The following MOB3B variants were observed in gnomAD, a reference collection of about 807,000 sequenced individuals.
MOB3B encodes MOB kinase activator 3B.
A neutral mutation model predicts 18.7 loss-of-function variants in MOB3B; 7 were observed. The ratio of observed to expected loss-of-function variants is 0.37; its 90% CI spans 0.21 to 0.70. The LOEUF (loss-of-function observed/expected upper bound fraction) is 0.70. Among genes scored for constraint, MOB3B ranks in the 30% least tolerant of loss-of-function variants. MOB3B has a pLI of 0.52. For synonymous variants in MOB3B, 111 were observed against 99.9 expected (o/e 1.11, Z -0.66); for missense variants, 253 against 281.3 (o/e 0.90, Z 0.72).
chr9:27,430,136 C>T (rs1822396070), intron 2 of MOB3B, among the ~76,000 whole-genome samples: 1 of 152,164 alleles, frequency 6.6e-6, no homozygotes, highest in Non-Finnish European at 1.5e-5. Context: ...TACTCCTTGA[C>T]CTGGTACTTT....
At chr9:27,373,775 A>C (rs1024441321) in intron 2 of MOB3B, among the ~76,000 whole-genome samples, 3 of 151,958 alleles carry the variant, frequency 2.0e-5, no homozygotes, top group Non-Finnish European at 4.4e-5. Context: ...TCCTTATCCC[A>C]AAAAAAACCA....
chr9:27,485,559 T>A (rs1267866312), intron 1 of MOB3B, among the ~76,000 whole-genome samples: 2 of 152,244 alleles, frequency 1.3e-5, no homozygotes. Flanking sequence ...TTCTTTGCAC[T>A]CCAATGGCTC....
chr9:27,410,875 T>C (rs141838677), intron 2 of MOB3B, among the ~76,000 whole-genome samples: 21 of 152,332 alleles, frequency 1.4e-4, no homozygotes, highest in Admixed American at 7.2e-4. Context: ...ACACTACATA[T>C]AATCTTGTAT....
chr9:27,505,799 T>C (rs1217484916), intron 1 of MOB3B, among the ~76,000 whole-genome samples: 2 of 152,208 alleles, frequency 1.3e-5, no homozygotes, highest in Non-Finnish European at 2.9e-5. Flanking sequence ...GTGCAAAGTA[T>C]ATGAAGTGAC....
chr9:27,526,374 C>CA (rs1201761862), intron 1 of MOB3B: 1 of 152,140 alleles, frequency 6.6e-6, no homozygotes, highest in Non-Finnish European at 1.5e-5. Flanking sequence ...AGAGTTGTTC[C>CA]AGATTAAAAA....
chr9:27,478,027 C>T (rs1179388058), intron 1 of MOB3B, among the ~76,000 whole-genome samples: 1 of 152,032 alleles, frequency 6.6e-6, no homozygotes, highest in Non-Finnish European at 1.5e-5. Context: ...AATTGTGCTC[C>T]AGTATCAGGG....
At chr9:27,336,818 G>T (rs766511412) in intron 3 of MOB3B, among the ~76,000 whole-genome samples, 9 of 152,150 alleles carry the variant, frequency 5.9e-5, no homozygotes, top group Non-Finnish European at 1.3e-4. Flanking sequence ...AAACAGAACG[G>T]AAAGTAGGAG....
In MOB3B at chr9:27,529,744, T is replaced by C; in HGVS notation, c.-388A>G. 1.0e-6 allele frequency: 1 copy of C among 985,386 alleles called. No homozygotes were observed. The highest frequency in any genetic ancestry group is 1.2e-6 in the Non-Finnish European group (1 of 829,938). The allele number at this position is 985,386 out of a possible 1,614,324, so 61.0% of individuals were successfully genotyped here. A position where few individuals can be genotyped will look rare whatever the true frequency, so the allele number is the denominator to read the frequency against. On this transcript the variant is annotated 5_prime_UTR_variant, in exon 1 of 4. Transcript: ENST00000262244. ...GGACGGGCGAGCGCCTGGCTCCAGC[T>C]GCAGCCGCCGTCGCTCCGGAGCAGC...
At chr9:27,411,745 G>A (rs769177570) in intron 2 of MOB3B, among the ~76,000 whole-genome samples, 3 of 152,196 alleles carry the variant, frequency 2.0e-5, no homozygotes, top group South Asian at 2.1e-4. Context: ...GAATGATACC[G>A]TTTTGGGGGA....
chr9:27,484,683 T>A (rs1321017075), intron 1 of MOB3B, among the ~76,000 whole-genome samples: 1 of 152,192 alleles, frequency 6.6e-6, no homozygotes, highest in Non-Finnish European at 1.5e-5. Context: ...ATTTCATGTC[T>A]GCCCACCTCC....
chr9:27,508,145 G>A (rs896002725), intron 1 of MOB3B, among the ~76,000 whole-genome samples: 2 of 152,140 alleles, frequency 1.3e-5, no homozygotes, highest in Admixed American at 1.3e-4. Flanking sequence ...TACGTACTCA[G>A]GATATCAAAA....
intron 1 of MOB3B, among the ~76,000 whole-genome samples, chr9:27,486,984 A>G (rs1819737418): frequency 6.6e-6 from 1 of 152,034 alleles, no homozygotes; most frequent in African/African-American, 2.4e-5. Context: ...TACAAAAATT[A>G]GCTGGGTGTG....
At chr9:27,444,587 T>C (rs1484736424) in intron 2 of MOB3B, among the ~76,000 whole-genome samples, 1 of 152,196 alleles carries the variant, frequency 6.6e-6, no homozygotes, top group East Asian at 1.9e-4. Context: ...TAGACACTAC[T>C]TTCATCTTGT....
Position 27,329,688 on chromosome 9 carries a change from A to C in MOB3B, c.*899T>G, listed in dbSNP as rs1820760268. 1 of 152,660 alleles carries C rather than the reference A, an allele frequency of 6.6e-6. No homozygotes were observed. Among genetic ancestry groups the C allele is most frequent in the African/African-American group, 2.4e-5 (1 of 41,452 alleles). 9.5% of individuals were successfully genotyped at this position (152,660 alleles called of 1,614,324 possible). A position where few individuals can be genotyped will look rare whatever the true frequency, so the allele number is the denominator to read the frequency against. ...CAGCCACGACTCCCTGTCTTTAATAAAGAACAAACACTGCAGTAATCATGC... is the reference window on the plus strand; with the variant it reads ...CAGCCACGACTCCCTGTCTTTAATACAGAACAAACACTGCAGTAATCATGC... On this transcript the variant is annotated 3_prime_UTR_variant, in exon 4 of 4. Coordinates refer to ENST00000262244, the MANE Select transcript of MOB3B (RefSeq NM_024761.5).
In MOB3B at chr9:27,384,807, G is replaced by A. The variant is rs540132104; in HGVS notation, c.419-25571C>T. Among the ~76,000 whole-genome samples the A allele has an allele frequency of 2.6e-5, 4 of 152,328 alleles. No homozygotes were observed. The South Asian group carries it at 8.3e-4, about 32-fold the overall frequency. ...CTGTTCTGCCAGTGAGTAGCATCAGGAACTGAGACGGGTCCTTCTGGCCCA... is the reference window on the plus strand; with the variant it reads ...CTGTTCTGCCAGTGAGTAGCATCAGAAACTGAGACGGGTCCTTCTGGCCCA... On this transcript the variant is annotated intron_variant, in intron 2 of 3. Transcript: ENST00000262244.
Position 27,455,641 on chromosome 9 carries a change from C to G in MOB3B, c.-91G>C. On this transcript the variant is annotated 5_prime_UTR_variant, in exon 2 of 4. Transcript: ENST00000262244. ...GATCACAGCCCAACAGTGTTTTCCA[C>G]TGCCAGCACTCAGGCCCCAGTCTTA... The G allele has an allele frequency of 6.3e-7, 1 of 1,581,132 alleles. No individual in the cohort carries two copies.
chr9:27,391,098 C>T (rs1821721429), intron 2 of MOB3B, among the ~76,000 whole-genome samples: 1 of 152,180 alleles, frequency 6.6e-6, no homozygotes, highest in Non-Finnish European at 1.5e-5. Flanking sequence ...TTGAGTTAGT[C>T]AGGCAGAGAA....
At chr9:27,357,491 A>T (rs982754107) in intron 3 of MOB3B, among the ~76,000 whole-genome samples, 1 of 151,866 alleles carries the variant, frequency 6.6e-6, no homozygotes, top group Non-Finnish European at 1.5e-5. Context: ...AAGGTATCAG[A>T]TAACTAGGAA....
rs1587284146 is a variant in MOB3B, at chr9:27,529,723, G to A, written c.-367C>T. Reference sequence around the variant, plus strand: ...GGTCCCGGCGAGCCAACCGGCGGACGGGCGAGCGCCTGGCTCCAGCTGCAG... The same window carrying A: ...GGTCCCGGCGAGCCAACCGGCGGACAGGCGAGCGCCTGGCTCCAGCTGCAG... On this transcript the variant is annotated 5_prime_UTR_variant, in exon 1 of 4. Transcript: ENST00000262244. 2 of 985,436 alleles carry A rather than the reference G, an allele frequency of 2.0e-6. No individual in the cohort carries two copies. The highest frequency in any genetic ancestry group is 1.0e-3 in the Middle Eastern group (2 of 1,912). 61.0% of individuals were successfully genotyped at this position (985,436 alleles called of 1,614,324 possible). A position where few individuals can be genotyped will look rare whatever the true frequency, so the allele number is the denominator to read the frequency against.
Sources: allele counts gnomAD v4.1 joint callset (sites outside exome capture counted in the v4.1 genomes callset), GRCh38; gene constraint gnomAD v4.1.1; transcripts MANE v1.5; gene names NCBI Gene and HGNC (gene_info 2026-07-23, HGNC 2026-07-21).